Variants in PTPRD observed in about 807,000 individuals in gnomAD.
The protein encoded by PTPRD is receptor-type tyrosine-protein phosphatase delta.
A neutral mutation model predicts 214.5 loss-of-function variants in PTPRD; 34 were observed. The ratio of observed to expected loss-of-function variants is 0.16; its 90% CI spans 0.12 to 0.21. The LOEUF (loss-of-function observed/expected upper bound fraction) is 0.21. Ranked by LOEUF, PTPRD falls within the 10% of genes least tolerant of loss-of-function variation. PTPRD has a pLI of 1.00. For missense variants in PTPRD, 2,545 were observed against 2,398.7 expected (o/e 1.06, Z -1.27); for synonymous variants, 1,128 against 845.7 (o/e 1.33, Z -5.79).
intron 11 of PTPRD, among the ~76,000 whole-genome samples, chr9:8,933,340 G>GTTTTTTTTTTTTTTGTTTTT (rs2098966825): frequency 1.2e-5 from 1 of 80,430 alleles, no homozygotes; most frequent in African/African-American, 5.1e-5. Context: ...CAACCTTGAG[G>GTTTTTTTTTTTTTTGTTTTT]TTTTTTTTTT....
chr9:10,238,567 T>C (rs1244983243), intron 3 of PTPRD, among the ~76,000 whole-genome samples: 1 of 151,910 alleles, frequency 6.6e-6, no homozygotes, highest in Non-Finnish European at 1.5e-5. Flanking sequence ...TATTTTGATG[T>C]TGACTTTAGC....
chr9:8,344,033 A>T (rs999469633), intron 39 of PTPRD, among the ~76,000 whole-genome samples: 1 of 152,028 alleles, frequency 6.6e-6, no homozygotes, highest in Non-Finnish European at 1.5e-5. Context: ...GTCTCCTGAT[A>T]TGCCATCAGA....
At chr9:9,167,857 T>G (rs2099907262) in intron 10 of PTPRD, among the ~76,000 whole-genome samples, 9 of 152,186 alleles carry the variant, frequency 5.9e-5, no homozygotes, top group Admixed American at 5.9e-4. Flanking sequence ...AGCCACTGCA[T>G]GAAACATGCT....
chr9:9,239,845 G>C (rs13295674), intron 9 of PTPRD, among the ~76,000 whole-genome samples: 39,180 of 151,990 alleles, frequency 0.26, 5,849 homozygotes, highest in Middle Eastern at 0.35. Context: ...TCTATCCCTG[G>C]TATGTGGGTC....
intron 3 of PTPRD, among the ~76,000 whole-genome samples, chr9:10,107,496 G>A (rs914773573): frequency 4.0e-5 from 6 of 151,800 alleles, no homozygotes; most frequent in East Asian, 1.9e-4. Context: ...GCCACTTACC[G>A]GCTGTGTAAG....
At chr9:9,067,238 A>G (rs1420162762) in intron 10 of PTPRD, among the ~76,000 whole-genome samples, 1 of 152,184 alleles carries the variant, frequency 6.6e-6, no homozygotes, top group Non-Finnish European at 1.5e-5. Flanking sequence ...CTCAAAAACA[A>G]ACAGACAAAC....
chr9:9,618,297 T>G (rs1038894780), intron 7 of PTPRD, among the ~76,000 whole-genome samples: 15 of 151,964 alleles, frequency 9.9e-5, no homozygotes, highest in African/African-American at 2.9e-4. Flanking sequence ...TTATCACAAT[T>G]TTAAGTTGAG....
chr9:8,431,003 A>G (rs1460746531), intron 35 of PTPRD, among the ~76,000 whole-genome samples: 2 of 152,194 alleles, frequency 1.3e-5, no homozygotes, highest in Admixed American at 6.5e-5. Context: ...CACTGAGCAC[A>G]ATGCTTTTCT....
At chr9:8,337,658 C>T (rs530722491) in intron 43 of PTPRD, among the ~76,000 whole-genome samples, 7 of 150,122 alleles carry the variant, frequency 4.7e-5, no homozygotes, top group Admixed American at 1.3e-4. Context: ...CACAGGGAGA[C>T]TTTAAAAAAA....
chr9:9,100,533 C>A (rs759908791), intron 10 of PTPRD, among the ~76,000 whole-genome samples: 3 of 152,114 alleles, frequency 2.0e-5, no homozygotes, highest in Non-Finnish European at 4.4e-5. Context: ...TTGGTATGAT[C>A]AGGTAGACAG....
At chr9:9,551,979 T>G (rs2080389365) in intron 8 of PTPRD, among the ~76,000 whole-genome samples, 1 of 151,732 alleles carries the variant, frequency 6.6e-6, no homozygotes, top group African/African-American at 2.4e-5. Context: ...ACTGAAGCCA[T>G]GAGGCAAAAG....
chr9:8,448,190 T>C (rs563266259), intron 34 of PTPRD, among the ~76,000 whole-genome samples: 2 of 151,994 alleles, frequency 1.3e-5, no homozygotes, highest in African/African-American at 4.8e-5. Context: ...TGTCTGGATG[T>C]GGTGGCGTGC....
rs1295663252 is a variant in PTPRD at position 9,627,389 on chromosome 9, G to A, written c.-286-52608C>T. Among the ~76,000 whole-genome samples the A allele has an allele frequency of 3.3e-5, 5 of 152,274 alleles. No homozygotes were observed. The South Asian group carries it at 6.2e-4, about 19-fold the overall frequency. ...TCTCCTGCTTAATTTGTGTGTATTCGTTTGTCATCTATGTTAATAATTTGT... is the reference window on the plus strand; with the variant it reads ...TCTCCTGCTTAATTTGTGTGTATTCATTTGTCATCTATGTTAATAATTTGT... On this transcript the variant is annotated intron_variant, in intron 7 of 45. Coordinates refer to ENST00000381196, the MANE Select transcript of PTPRD (RefSeq NM_002839.4).
chr9:10,542,159 T>C (rs1044044320), intron 2 of PTPRD, among the ~76,000 whole-genome samples: 1 of 152,098 alleles, frequency 6.6e-6, no homozygotes, highest in Non-Finnish European at 1.5e-5. Flanking sequence ...CTACTTGCAG[T>C]TATAATGACA....
intron 5 of PTPRD, among the ~76,000 whole-genome samples, chr9:9,778,295 T>A (rs535840042): frequency 5.9e-5 from 9 of 152,058 alleles, no homozygotes; most frequent in Non-Finnish European, 1.3e-4. Flanking sequence ...TAACTCACTC[T>A]CTCTGTGGAC....
At chr9:8,498,556 C>A (rs919384863) in intron 25 of PTPRD, among the ~76,000 whole-genome samples, 1 of 152,198 alleles carries the variant, frequency 6.6e-6, no homozygotes, top group African/African-American at 2.4e-5. Flanking sequence ...ACTGGGCAAC[C>A]TGGTGCCGCA....
intron 12 of PTPRD, among the ~76,000 whole-genome samples, chr9:8,680,697 CATAA>C (rs2097534425): frequency 6.6e-6 from 1 of 152,186 alleles, no homozygotes; most frequent in Admixed American, 6.5e-5. Context: ...CACATACACA[CATAA>C]ATACATACAA....
At chr9:8,472,534 GCC>G (rs1201998418) in intron 30 of PTPRD, among the ~76,000 whole-genome samples, 3 of 152,168 alleles carry the variant, frequency 2.0e-5, no homozygotes, top group Admixed American at 2.0e-4. Context: ...GTATCCACTA[GCC>G]CCTGGGGGCC....
intron 12 of PTPRD, among the ~76,000 whole-genome samples, chr9:8,691,481 C>T (rs1424251761): frequency 7.5e-6 from 1 of 134,128 alleles, no homozygotes; most frequent in African/African-American, 3.2e-5. Context: ...CAGCAACATA[C>T]AAAGGAGAAA....
Sources: gnomAD v4.1 joint callset for allele counts (sites outside exome capture counted in the v4.1 genomes callset) on GRCh38, gnomAD v4.1.1 for gene constraint, MANE v1.5 for transcripts, NCBI Gene and HGNC (gene_info 2026-07-23, HGNC 2026-07-21) for gene names.